PRKAR2B: variants seen among roughly 807,000 people sequenced by gnomAD.
PRKAR2B encodes the protein cAMP-dependent protein kinase type II-beta regulatory subunit.
A neutral mutation model predicts 49.9 loss-of-function variants in PRKAR2B; 14 were observed. The observed-to-expected ratio is 0.28, with a 90% CI of 0.19 to 0.44. The LOEUF (loss-of-function observed/expected upper bound fraction) is 0.44. Ranked by LOEUF, PRKAR2B falls within the 20% of genes least tolerant of loss-of-function variation. The probability of loss-of-function intolerance (pLI) is 1.00; values close to 1 mark genes in which losing one functional copy is unlikely to be tolerated. For missense variants in PRKAR2B, 393 were observed against 537.9 expected (o/e 0.73, Z 2.67); for synonymous variants, 196 against 197.7 (o/e 0.99, Z 0.07).
chr7:107,155,579 G>C (rs1370488524), intron 8 of PRKAR2B, among the ~76,000 whole-genome samples: 2 of 151,972 alleles, frequency 1.3e-5, no homozygotes, highest in Non-Finnish European at 2.9e-5. Flanking sequence ...GGCGTGAGAT[G>C]GTTTCTCATT....
At chr7:107,080,191 C>T (rs1794489365) in intron 2 of PRKAR2B, among the ~76,000 whole-genome samples, 4 of 152,042 alleles carry the variant, frequency 2.6e-5, no homozygotes, top group Admixed American at 6.5e-5. Context: ...AGTGGGAGCA[C>T]CATGGAGTGG....
At chr7:107,064,507 AAAGTGGTCTCCC>A (rs2116763819) in intron 1 of PRKAR2B, among the ~76,000 whole-genome samples, 1 of 152,288 alleles carries the variant, frequency 6.6e-6, no homozygotes, top group African/African-American at 2.4e-5. Context: ...AGGAAGAAGA[AAAGTGGTCTCCC>A]AAGTGCTGGC....
chr7:107,046,457 T>C, intron 1 of PRKAR2B, among the ~76,000 whole-genome samples: 1 of 152,232 alleles, frequency 6.6e-6, no homozygotes, highest in African/African-American at 2.4e-5. Flanking sequence ...ATAAAATTAG[T>C]GTATTTTTAG....
chr7:107,071,088 T>C, intron 2 of PRKAR2B, among the ~76,000 whole-genome samples: 1 of 152,214 alleles, frequency 6.6e-6, no homozygotes, highest in East Asian at 1.9e-4. Flanking sequence ...AAATTCACCA[T>C]ATGGCTTATC....
chr7:107,150,710 AAAAAAAAAAAAAG>A lies in PRKAR2B; in HGVS notation c.742-207_742-195del, dbSNP rs1795968721. ...CAGATGCTTTCTTTAAAAAAAAAAA[AAAAAAAAAAAAAG>A]AAAACAGTATTTTATGTGGTTCTGT... On this transcript the variant is annotated intron_variant, in intron 6 of 10. Transcript: ENST00000265717. Among the ~76,000 whole-genome samples the A allele has an allele frequency of 2.6e-5, 4 of 151,002 alleles. No individual in the cohort carries two copies. The East Asian group carries it at 5.8e-4, about 22-fold the overall frequency.
rs535617866 is a variant in PRKAR2B at position 107,147,548 on chromosome 7, T to C, written c.741+1087T>C. On this transcript the variant is annotated intron_variant, in intron 6 of 10. Transcript: ENST00000265717. ...ATTTAAGGTAGTGATTCTCAAACTT[T>C]AATATGCTTACAAATCACCTGGGAA... Among the ~76,000 whole-genome samples, 7 of 152,352 alleles carry C rather than the reference T, an allele frequency of 4.6e-5. No individual in the cohort carries two copies. In the South Asian group the frequency reaches 1.2e-3, roughly 27 times the overall value.
At chr7:107,122,261 T>C (rs1389712428) in intron 3 of PRKAR2B, among the ~76,000 whole-genome samples, 2 of 152,186 alleles carry the variant, frequency 1.3e-5, no homozygotes, top group East Asian at 3.8e-4. Flanking sequence ...GTCTTTCTCA[T>C]AGTGATAATA....
At chr7:107,112,066 T>TG (rs1200728858) in intron 2 of PRKAR2B, among the ~76,000 whole-genome samples, 1 of 145,210 alleles carries the variant, frequency 6.9e-6, no homozygotes, top group Non-Finnish European at 1.5e-5. Context: ...CCTAGTTACT[T>TG]GGGAGGCTAA....
intron 4 of PRKAR2B, among the ~76,000 whole-genome samples, chr7:107,133,274 C>T (rs376446492): frequency 6.6e-5 from 10 of 152,092 alleles, no homozygotes; most frequent in African/African-American, 1.4e-4. Context: ...TTCATATATC[C>T]GTGTATGAAT....
intron 2 of PRKAR2B, among the ~76,000 whole-genome samples, chr7:107,091,496 T>A (rs748091060): frequency 3.3e-5 from 5 of 152,144 alleles, no homozygotes; most frequent in Admixed American, 6.5e-5. Flanking sequence ...TGCGTGCACA[T>A]TCCACTCAGT....
intron 6 of PRKAR2B, among the ~76,000 whole-genome samples, chr7:107,148,025 T>C (rs1047353436): frequency 3.9e-5 from 6 of 152,224 alleles, no homozygotes; most frequent in African/African-American, 1.4e-4. Flanking sequence ...TATTTAAAAA[T>C]GTGATGAGTC....
intron 1 of PRKAR2B, among the ~76,000 whole-genome samples, chr7:107,047,630 G>A (rs1265940923): frequency 6.6e-6 from 1 of 152,092 alleles, no homozygotes. Flanking sequence ...GTCCAGAAAT[G>A]TGTCTCATTA....
At chr7:107,149,275 C>A (rs1307692340) in intron 6 of PRKAR2B, among the ~76,000 whole-genome samples, 2 of 151,968 alleles carry the variant, frequency 1.3e-5, no homozygotes, top group Non-Finnish European at 2.9e-5. Flanking sequence ...AAAACAAGTC[C>A]AAATTACAGC....
intron 2 of PRKAR2B, among the ~76,000 whole-genome samples, chr7:107,075,871 T>G (rs1380616832): frequency 6.6e-6 from 1 of 152,216 alleles, no homozygotes; most frequent in Non-Finnish European, 1.5e-5. Flanking sequence ...GGGCATCTTT[T>G]TATTGTTTAT....
At chr7:107,074,636 T>C (rs989436427) in intron 2 of PRKAR2B, among the ~76,000 whole-genome samples, 8 of 151,738 alleles carry the variant, frequency 5.3e-5, no homozygotes, top group African/African-American at 1.7e-4. Context: ...CTGTCTCTAC[T>C]AAAAATACAA....
At chr7:107,112,174 T>TGAA in intron 2 of PRKAR2B, among the ~76,000 whole-genome samples, 1 of 44,800 alleles carries the variant, frequency 2.2e-5, no homozygotes, top group East Asian at 6.9e-4. Context: ...ACTGTGTCTC[T>TGAA]AAAAAAAAAA....
At chr7:107,107,075 G>A (rs1470405540) in intron 2 of PRKAR2B, among the ~76,000 whole-genome samples, 1 of 152,170 alleles carries the variant, frequency 6.6e-6, no homozygotes, top group East Asian at 1.9e-4. Context: ...GGTGGCTCAC[G>A]CCTGTAATCC....
At chr7:107,063,802 C>G (rs930660789) in intron 1 of PRKAR2B, among the ~76,000 whole-genome samples, 16 of 152,154 alleles carry the variant, frequency 1.1e-4, no homozygotes, top group Admixed American at 1.0e-3. Context: ...TCCCAAATTA[C>G]CCTTCTCTGG....
At chr7:107,053,522 A>AAG (rs1485070494) in intron 1 of PRKAR2B, among the ~76,000 whole-genome samples, 1 of 118,270 alleles carries the variant, frequency 8.5e-6, no homozygotes, top group African/African-American at 3.4e-5. Flanking sequence ...CTAGATTATA[A>AAG]AGAGTGTGTG....
Sources: allele counts gnomAD v4.1 joint callset (sites outside exome capture counted in the v4.1 genomes callset), GRCh38; gene constraint gnomAD v4.1.1; transcripts MANE v1.5; gene names NCBI Gene and HGNC (gene_info 2026-07-23, HGNC 2026-07-21).